PLA2G10: variants seen among roughly 807,000 people sequenced by gnomAD.
PLA2G10 encodes the protein group 10 secretory phospholipase A2.
PLA2G10 carries 9 observed loss-of-function variants against 7.9 expected under a neutral mutation model. The ratio of observed to expected loss-of-function variants is 1.14; its 90% CI spans 0.68 to 1.98. The LOEUF (loss-of-function observed/expected upper bound fraction) is 1.98. Among genes scored for constraint, PLA2G10 ranks in the 30% most tolerant of loss-of-function variants. PLA2G10 has a pLI of 0.00. For synonymous variants in PLA2G10, 19 were observed against 27.5 expected (o/e 0.69, Z 0.97); for missense variants, 53 against 65.4 (o/e 0.81, Z 0.66).
chr16:14,682,805 A>G (rs1157253606), intron 3 of PLA2G10, among the ~76,000 whole-genome samples: 1 of 151,846 alleles, frequency 6.6e-6, no homozygotes, highest in Non-Finnish European at 1.5e-5. Context: ...ATGGTGGCTC[A>G]TACCTGTAAT....
chr16:14,685,065 A>T (rs182746897), intron 3 of PLA2G10, among the ~76,000 whole-genome samples: 1 of 152,268 alleles, frequency 6.6e-6, no homozygotes, highest in East Asian at 1.9e-4. Context: ...ACGTACTGAC[A>T]CATGCTATTA....
chr16:14,675,932 CAAAAA>C (rs59516741), intron 3 of PLA2G10, among the ~76,000 whole-genome samples: 1 of 46,684 alleles, frequency 2.1e-5, no homozygotes, highest in Non-Finnish European at 4.7e-5. Flanking sequence ...GAGCAAGACT[CAAAAA>C]AAAAAAAAAA....
chr16:14,677,262 C>T (rs544591321), intron 3 of PLA2G10, among the ~76,000 whole-genome samples: 1 of 152,264 alleles, frequency 6.6e-6, no homozygotes, highest in African/African-American at 2.4e-5. Flanking sequence ...ACTCCTGCTT[C>T]TTGTTACCAG....
rs1349523014 is a variant in PLA2G10, at chr16:14,679,673, A to AT, written c.356-6925_356-6924insA. On this transcript the variant is annotated intron_variant, in intron 3 of 3. Transcript: ENST00000438167. ...AAGACTCCACCTCAAAAAAAAAAAA[A>AT]AATAATAATAATAATAATAATACAA... Among the ~76,000 whole-genome samples the AT allele has an allele frequency of 2.2e-3, 314 of 141,862 alleles. 3 individuals carry two copies. The highest frequency in any genetic ancestry group is 3.6e-3 in the Middle Eastern group (1 of 278). The allele number at this position is 141,862 out of a possible 152,430, so 93.1% of individuals were successfully genotyped here. A position where few individuals can be genotyped will look rare whatever the true frequency, so the allele number is the denominator to read the frequency against.
chr16:14,677,600 C>T (rs969264988), intron 3 of PLA2G10, among the ~76,000 whole-genome samples: 3 of 152,144 alleles, frequency 2.0e-5, no homozygotes, highest in Non-Finnish European at 4.4e-5. Flanking sequence ...CTCTTGACCT[C>T]GTGATCTGCC....
chr16:14,675,254 C>T (rs1041741199), intron 3 of PLA2G10, among the ~76,000 whole-genome samples: 1 of 151,530 alleles, frequency 6.6e-6, no homozygotes, highest in Non-Finnish European at 1.5e-5. Context: ...AACTGAAGAG[C>T]TGCATGTAGA....
At chr16:14,680,138 G>A (rs549009028) in intron 3 of PLA2G10, among the ~76,000 whole-genome samples, 182 of 142,272 alleles carry the variant, frequency 1.3e-3, no homozygotes, top group Non-Finnish European at 1.9e-3. Context: ...TCACTCAGTC[G>A]CCCAGGCTGG....
intron 3 of PLA2G10, among the ~76,000 whole-genome samples, chr16:14,678,008 C>T (rs141863460): frequency 1.1e-4 from 16 of 152,166 alleles, no homozygotes; most frequent in Non-Finnish European, 1.9e-4. Context: ...ATAATATGTG[C>T]GAAAATTAGT....
At chr16:14,678,784 A>G in intron 3 of PLA2G10, 1 of 380,710 alleles carries the variant, frequency 2.6e-6, no homozygotes. Flanking sequence ...AAAAAATGCA[A>G]ATCAGGTCAT....
intron 3 of PLA2G10, among the ~76,000 whole-genome samples, chr16:14,687,260 T>A (rs1448097584): frequency 6.6e-6 from 1 of 152,016 alleles, no homozygotes; most frequent in Non-Finnish European, 1.5e-5. Flanking sequence ...TAGGATTGCC[T>A]GAGGGACCTG....
chr16:14,681,949 G>C (rs1474513382), intron 3 of PLA2G10, among the ~76,000 whole-genome samples: 1 of 151,828 alleles, frequency 6.6e-6, no homozygotes, highest in East Asian at 1.9e-4. Flanking sequence ...CACCAGAAGG[G>C]GGCAGTTTTG....
At chr16:14,672,892 C>A (rs1960627949) in intron 3 of PLA2G10, 143 bp from the exon 4 acceptor site, 2 of 710,690 alleles carry the variant, frequency 2.8e-6, no homozygotes, top group African/African-American at 1.8e-5. Flanking sequence ...CTGCAGGGCT[C>A]CCCAGGAAGC....
intron 3 of PLA2G10, among the ~76,000 whole-genome samples, chr16:14,682,988 C>T (rs1162227820): frequency 1.3e-5 from 2 of 152,002 alleles, no homozygotes; most frequent in Non-Finnish European, 2.9e-5. Flanking sequence ...ATAATCACTT[C>T]AACCCAGGAG....
chr16:14,687,179 CAATA>C (rs1352026008), intron 3 of PLA2G10, among the ~76,000 whole-genome samples: 1 of 151,168 alleles, frequency 6.6e-6, no homozygotes, highest in Admixed American at 6.6e-5. Flanking sequence ...AACAAACAAA[CAATA>C]AATAAATAAT....
Position 14,686,570 on chromosome 16 carries a change from G to A in PLA2G10, c.355+1595C>T, listed in dbSNP as rs532435736. 6.6e-5 allele frequency among the ~76,000 whole-genome samples: 10 copies of A among 152,212 alleles called. No homozygotes were observed. In the South Asian group the frequency reaches 1.9e-3, roughly 28 times the overall value. Reference sequence around the variant, plus strand: ...GTTGCCCAGGCTGGAGTACGATCTCGGCTCACTGCAACCTGTGCCTCCTGG... The same window carrying A: ...GTTGCCCAGGCTGGAGTACGATCTCAGCTCACTGCAACCTGTGCCTCCTGG... On this transcript the variant is annotated intron_variant, in intron 3 of 3. Coordinates refer to ENST00000438167, the MANE Select transcript of PLA2G10 (RefSeq NM_003561.3).
chr16:14,687,450 C>T (rs117722657), intron 3 of PLA2G10, among the ~76,000 whole-genome samples: 5,357 of 151,762 alleles, frequency 0.035, 134 homozygotes, highest in Non-Finnish European at 0.051. Context: ...CCACCTCAGC[C>T]TCCCAAGTAG....
chr16:14,674,441 C>T (rs979435048), intron 3 of PLA2G10, among the ~76,000 whole-genome samples: 12 of 152,106 alleles, frequency 7.9e-5, no homozygotes, highest in African/African-American at 1.9e-4. Flanking sequence ...CAGTGGCTCA[C>T]GCCTGTAATC....
At chr16:14,686,003 T>A (rs1055242572) in intron 3 of PLA2G10, among the ~76,000 whole-genome samples, 18 of 147,926 alleles carry the variant, frequency 1.2e-4, no homozygotes, top group African/African-American at 4.5e-4. Context: ...TTTTTTTTTT[T>A]TTTTTTTGAG....
chr16:14,676,940 C>G (rs959523780), intron 3 of PLA2G10, among the ~76,000 whole-genome samples: 2 of 152,000 alleles, frequency 1.3e-5, no homozygotes, highest in African/African-American at 4.8e-5. Flanking sequence ...CAAAGGCATA[C>G]AGAGTGGTAT....
Sources: allele counts gnomAD v4.1 joint callset (sites outside exome capture counted in the v4.1 genomes callset), GRCh38; gene constraint gnomAD v4.1.1; transcripts MANE v1.5; gene names NCBI Gene and HGNC (gene_info 2026-07-23, HGNC 2026-07-21).